CACNA1C: variants seen among roughly 807,000 people sequenced by gnomAD.
The protein encoded by CACNA1C is calcium voltage-gated channel subunit alpha1 C.
In CACNA1C, 30 loss-of-function variants were observed where a neutral mutation model predicts 229.0. The observed-to-expected ratio is 0.13, with a 90% CI of 0.10 to 0.18. The LOEUF (loss-of-function observed/expected upper bound fraction) is 0.18, where lower values mean the gene tolerates loss of function less well. Ranked by LOEUF, CACNA1C falls within the 10% of genes least tolerant of loss-of-function variation. The pLI is 1.00. For synonymous variants in CACNA1C, 1,114 were observed against 1,132.5 expected, an observed-to-expected ratio of 0.98 and a Z score of 0.33; for missense variants, 1,658 against 2,845.0, an observed-to-expected ratio of 0.58 and a Z score of 9.49.
intron 3 of CACNA1C, among the ~76,000 whole-genome samples, chr12:2,297,475 GT>G (rs2094153917): frequency 6.6e-6 from 1 of 152,216 alleles, no homozygotes; most frequent in Non-Finnish European, 1.5e-5. Context: ...GAGACAATGG[GT>G]TGTTGGAGAA....
At chr12:2,025,041 A>G (rs1194231691) in intron 1 of CACNA1C, among the ~76,000 whole-genome samples, 1 of 152,186 alleles carries the variant, frequency 6.6e-6, no homozygotes, top group Non-Finnish European at 1.5e-5. Flanking sequence ...CATTTGTCAC[A>G]GTGGAGGCTC....
chr12:2,268,397 G>C (rs2083283712), intron 3 of CACNA1C, among the ~76,000 whole-genome samples: 2 of 152,220 alleles, frequency 1.3e-5, no homozygotes, highest in Admixed American at 1.3e-4. Context: ...TCCAAGGCCT[G>C]GGCCAGCTGC....
intron 3 of CACNA1C, among the ~76,000 whole-genome samples, chr12:2,351,290 C>T (rs533884388): frequency 1.1e-3 from 161 of 152,272 alleles, no homozygotes; most frequent in African/African-American, 3.7e-3. Context: ...CGAAGGTGGC[C>T]GAAATCGCCT....
At chr12:2,118,131 A>C (rs2084837379) in intron 2 of CACNA1C, among the ~76,000 whole-genome samples, 1 of 152,210 alleles carries the variant, frequency 6.6e-6, no homozygotes, top group Non-Finnish European at 1.5e-5. Context: ...TGCCTTTAGC[A>C]TGAAGTGAAG....
chr12:2,130,357 G>A (rs1433202545), intron 3 of CACNA1C, among the ~76,000 whole-genome samples: 1 of 146,688 alleles, frequency 6.8e-6, no homozygotes, highest in Non-Finnish European at 1.5e-5. Context: ...CATTGTGCAG[G>A]TTAGTTACAT....
chr12:2,460,055 A>G (rs1013705300), intron 5 of CACNA1C, among the ~76,000 whole-genome samples: 1 of 152,240 alleles, frequency 6.6e-6, no homozygotes, highest in African/African-American at 2.4e-5. Context: ...GGTGGTGGTC[A>G]GCTGCAGCTC....
At chr12:2,521,961 G>A (rs1331822080) in intron 9 of CACNA1C, among the ~76,000 whole-genome samples, 1 of 152,192 alleles carries the variant, frequency 6.6e-6, no homozygotes, top group African/African-American at 2.4e-5. Context: ...CCAGCCAATA[G>A]CTTGAACCTT....
chr12:2,506,217 CG>C (rs1213005677), intron 8 of CACNA1C, among the ~76,000 whole-genome samples: 1 of 152,148 alleles, frequency 6.6e-6, no homozygotes, highest in East Asian at 1.9e-4. Context: ...AGCAGAACAA[CG>C]TAAGTCCCTG....
intron 1 of CACNA1C, among the ~76,000 whole-genome samples, chr12:2,105,693 G>C (rs2078094474): frequency 7.4e-6 from 1 of 135,114 alleles, no homozygotes; most frequent in East Asian, 2.3e-4. Context: ...CCACCCCGGG[G>C]AGGGTTTCCA....
intron 1 of CACNA1C, among the ~76,000 whole-genome samples, chr12:2,001,240 A>G (rs2042140172): frequency 6.6e-6 from 1 of 152,016 alleles, no homozygotes; most frequent in African/African-American, 2.4e-5. Flanking sequence ...CTTTCTGAGC[A>G]AAGTCCAGGG....
rs73038902 is a variant in CACNA1C, at chr12:2,632,544, G to A, written c.3829-1753G>A. 6.0e-3 allele frequency among the ~76,000 whole-genome samples: 908 copies of A among 152,228 alleles called. 3 individuals are homozygous for A. Among genetic ancestry groups the A allele is most frequent in the Non-Finnish European group, 8.6e-3 (583 of 68,024 alleles). On this transcript the variant is annotated intron_variant, in intron 29 of 46. Transcript: ENST00000399655. The surrounding 1 kb of genome is among the most constrained non-coding windows in gnomAD (Gnocchi z 4.1). ...TGAAAAAAGTCTTTTAAGAACATTC[G>A]TCCCTTCTCTTCTCCAAACATGGTG... is the stretch of plus-strand genomic sequence containing the variant.
intron 3 of CACNA1C, among the ~76,000 whole-genome samples, chr12:2,135,534 C>T (rs1363198654): frequency 7.6e-6 from 1 of 131,540 alleles, no homozygotes; most frequent in South Asian, 2.3e-4. Flanking sequence ...CAGACAGGAC[C>T]CTCAGCTGCA....
chr12:2,500,545 C>T (rs1172824138), intron 7 of CACNA1C, among the ~76,000 whole-genome samples: 2 of 152,100 alleles, frequency 1.3e-5, no homozygotes, highest in African/African-American at 2.4e-5. Flanking sequence ...GCCATCTGCC[C>T]AGGCTCCAGA....
intron 18 of CACNA1C, among the ~76,000 whole-genome samples, chr12:2,592,052 T>G (rs527493608): frequency 6.6e-6 from 1 of 152,378 alleles, no homozygotes; most frequent in South Asian, 2.1e-4. Flanking sequence ...AAGGCCATAT[T>G]TCCAAATAAG....
In CACNA1C at chr12:2,632,513, A is replaced by G. The variant is rs2090961633; in HGVS notation, c.3829-1784A>G. On this transcript the variant is annotated intron_variant, in intron 29 of 46. Coordinates refer to ENST00000399655, the MANE Select transcript of CACNA1C (RefSeq NM_000719.7). This position sits in a 1 kb window ranked among gnomAD's most constrained non-coding sequence, Gnocchi z 4.1. Reference sequence around the variant, plus strand: ...CATTCCTTGGTTGACCTGTTGTCCAAGTACATGAAAAAAGTCTTTTAAGAA... The same window carrying G: ...CATTCCTTGGTTGACCTGTTGTCCAGGTACATGAAAAAAGTCTTTTAAGAA... 6.6e-6 allele frequency among the ~76,000 whole-genome samples: 1 copy of G among 152,210 alleles called. No homozygotes were observed. The highest frequency in any genetic ancestry group is 1.5e-5 in the Non-Finnish European group (1 of 68,044).
intron 3 of CACNA1C, among the ~76,000 whole-genome samples, chr12:2,235,931 C>T (rs902573601): frequency 1.5e-4 from 23 of 152,258 alleles, no homozygotes; most frequent in Admixed American, 1.4e-3. Flanking sequence ...ATTCATTTGA[C>T]GTTCACAGGA....
Position 2,541,704 on chromosome 12 carries a change from C to T in CACNA1C, c.1391-8239C>T, listed in dbSNP as rs148683197. Among the ~76,000 whole-genome samples the T allele has an allele frequency of 2.8e-3, 433 of 152,300 alleles. 5 individuals carry two copies. Among genetic ancestry groups the T allele is most frequent in the African/African-American group, 9.9e-3 (410 of 41,548 alleles). On this transcript the variant is annotated intron_variant, in intron 9 of 46. Coordinates refer to ENST00000399655, the MANE Select transcript of CACNA1C (RefSeq NM_000719.7). ...GGATAACGAGCTACCAGCTAAGTTC[C>T]GGAATACACACTGGGCATTTTTCTT...
At chr12:2,102,998 G>C (rs113554402) in intron 1 of CACNA1C, among the ~76,000 whole-genome samples, 2,039 of 152,242 alleles carry the variant, frequency 0.013, 52 homozygotes, top group African/African-American at 0.046. Context: ...TGGGCATTTG[G>C]GTTGGTTCCA....
At chr12:1,993,438 A>G in intron 1 of CACNA1C, 1 of 1,589,918 alleles carries the variant, frequency 6.3e-7, no homozygotes, top group African/African-American at 1.3e-5. Context: ...CAAATTGCTT[A>G]GTATGCTATA....
Sources: allele counts gnomAD v4.1 joint callset (sites outside exome capture counted in the v4.1 genomes callset), GRCh38; gene constraint gnomAD v4.1.1; non-coding constraint Gnocchi (gnomAD v3.1); transcripts MANE v1.5; gene names NCBI Gene and HGNC (gene_info 2026-07-23, HGNC 2026-07-21).